Variants in NRCAM observed in about 807,000 individuals in gnomAD.
NRCAM encodes NgCAM-related cell adhesion molecule.
NRCAM carries 83 observed loss-of-function variants against 156.5 expected under a neutral mutation model. The observed-to-expected ratio is 0.53, with a 90% confidence interval of 0.44 to 0.64. The LOEUF (loss-of-function observed/expected upper bound fraction) is 0.64, where lower values mean the gene tolerates loss of function less well. NRCAM is among the 30% of genes least tolerant of loss of function. The probability of loss-of-function intolerance (pLI) is 0.00; values close to 1 mark genes in which losing one functional copy is unlikely to be tolerated. For missense variants in NRCAM, 1,417 were observed against 1,597.3 expected, an observed-to-expected ratio of 0.89 and a Z score of 1.92; for synonymous variants, 538 against 563.9, an observed-to-expected ratio of 0.95 and a Z score of 0.65.
intron 3 of NRCAM, among the ~76,000 whole-genome samples, chr7:108,258,131 G>T (rs189508812): frequency 7.7e-4 from 118 of 152,306 alleles, no homozygotes; most frequent in African/African-American, 2.7e-3. Flanking sequence ...GTGGCTGTCT[G>T]TGTGCTCTGA....
chr7:108,266,949 A>G (rs1269658), intron 3 of NRCAM, among the ~76,000 whole-genome samples: 88,743 of 152,096 alleles, frequency 0.58, 26,410 homozygotes, highest in East Asian at 0.93. Context: ...GCAGAGGACA[A>G]AAAACTACTG....
In NRCAM at chr7:108,191,794, G is replaced by A. The variant is rs773285334; in HGVS notation, c.1838C>T (p.Thr613Ile). 1.9e-6 allele frequency: 3 copies of A among 1,613,376 alleles called. No individual in the cohort carries two copies. Among genetic ancestry groups the A allele is most frequent in the Non-Finnish European group, 2.5e-6 (3 of 1,179,866 alleles). Residue 613 changes from threonine to isoleucine, a missense_variant, in exon 18 of 33, where the codon ACC (threonine) becomes ATC (isoleucine). Physicochemically the swap from Thr to Ile is moderately conservative, Grantham distance 89. Coordinates refer to ENST00000379028, the MANE Select transcript of NRCAM (RefSeq NM_001037132.4). ...VADVSDDDSG[T>I]YTCVANTTLD... The stretch of plus-strand genomic sequence containing the variant: ...AGTGGTGTTGGCCACACACGTGTAG[G>A]TCCCGCTGTCATCGTCACTGACATC...
At chr7:108,280,033 C>T (rs2097791434) in intron 3 of NRCAM, among the ~76,000 whole-genome samples, 1 of 152,196 alleles carries the variant, frequency 6.6e-6, no homozygotes, top group Non-Finnish European at 1.5e-5. Flanking sequence ...CCAACATTCA[C>T]CATCAAAAAC....
chr7:108,249,591 A>G (rs1394459104), intron 3 of NRCAM, among the ~76,000 whole-genome samples: 1 of 152,240 alleles, frequency 6.6e-6, no homozygotes, highest in African/African-American at 2.4e-5. Context: ...TCCCTCTCCC[A>G]AGCATTTAGA....
At chr7:108,362,789 T>G (rs535154360) in intron 2 of NRCAM, among the ~76,000 whole-genome samples, 1 of 152,094 alleles carries the variant, frequency 6.6e-6, no homozygotes, top group Admixed American at 6.5e-5. Context: ...TTTATAGATA[T>G]GTGTATCTAC....
At chr7:108,209,366 T>A in intron 12 of NRCAM, 55 bp downstream of exon 12, 1 of 1,221,634 alleles carries the variant, frequency 8.2e-7, no homozygotes, top group Non-Finnish European at 1.1e-6. Context: ...CCACATTTAA[T>A]TAAAGTTTCA....
chr7:108,269,159 T>C (rs1027836805), intron 3 of NRCAM, among the ~76,000 whole-genome samples: 18 of 149,032 alleles, frequency 1.2e-4, no homozygotes, highest in African/African-American at 4.0e-4. Flanking sequence ...CTTCGTGCTG[T>C]ATTTGAAAAA....
intron 3 of NRCAM, among the ~76,000 whole-genome samples, chr7:108,256,329 A>T (rs1031665183): frequency 1.3e-5 from 2 of 148,570 alleles, no homozygotes; most frequent in African/African-American, 5.0e-5. Flanking sequence ...CTTACCCCCA[A>T]CCCCGTGCTC....
chr7:108,449,043 C>T (rs763299339), intron 1 of NRCAM, among the ~76,000 whole-genome samples: 1 of 152,178 alleles, frequency 6.6e-6, no homozygotes, highest in African/African-American at 2.4e-5. Context: ...TCTGAGTGAG[C>T]GCCAGACACA....
intron 3 of NRCAM, among the ~76,000 whole-genome samples, chr7:108,304,021 G>A (rs2300016): frequency 0.24 from 36,864 of 152,050 alleles, 4,962 homozygotes; most frequent in Middle Eastern, 0.3. Context: ...ATGAATGAAT[G>A]TATAAATGAT....
chr7:108,167,607 G>T (rs1194935010), intron 29 of NRCAM, among the ~76,000 whole-genome samples: 1 of 152,208 alleles, frequency 6.6e-6, no homozygotes, highest in African/African-American at 2.4e-5. Context: ...GGCTTAAACA[G>T]AAAGTTGGAC....
rs75920144 is a variant in NRCAM at position 108,438,344 on chromosome 7, T to C, written c.-332+17899A>G. The stretch of plus-strand genomic sequence containing the variant: ...GTACAATATGACCAAGTGGGATGTA[T>C]TGCAGAAGTTTAACATCCAAAAATC... On this transcript the variant is annotated intron_variant, in intron 1 of 32. Transcript: ENST00000379028. Among the ~76,000 whole-genome samples, 1,514 of 152,292 alleles carry C rather than the reference T, an allele frequency of 9.9e-3. 20 individuals are homozygous for C. The highest frequency in any genetic ancestry group is 0.034 in the African/African-American group (1,413 of 41,562).
intron 11 of NRCAM, among the ~76,000 whole-genome samples, chr7:108,220,424 C>T (rs930565369): frequency 6.6e-6 from 1 of 151,922 alleles, no homozygotes; most frequent in Non-Finnish European, 1.5e-5. Context: ...ATCTGGAGGC[C>T]TCACACTACC....
intron 18 of NRCAM, 148 bp from the exon 19 acceptor site, chr7:108,191,431 C>A: frequency 1.5e-6 from 1 of 650,708 alleles, no homozygotes; most frequent in South Asian, 2.6e-5. Flanking sequence ...GATAAACATG[C>A]AGTAACAATT....
Position 108,149,211 on chromosome 7 carries a change from G to A in NRCAM, c.*699C>T, listed in dbSNP as rs758941736. 1.5e-4 allele frequency: 23 copies of A among 152,570 alleles called. No individual in the cohort carries two copies. Among genetic ancestry groups the A allele is most frequent in the African/African-American group, 2.4e-5 (1 of 41,422 alleles). 9.5% of individuals were successfully genotyped at this position (152,570 alleles called of 1,614,324 possible). On this transcript the variant is annotated 3_prime_UTR_variant, in exon 33 of 33. Coordinates refer to ENST00000379028, the MANE Select transcript of NRCAM (RefSeq NM_001037132.4). The stretch of plus-strand genomic sequence containing the variant: ...ACATTGTTTATGCCTAAAAACAACC[G>A]AACATAGAAATGATGTAAAAAGTAG...
At chr7:108,428,167 CACA>C (rs1293367553) in intron 1 of NRCAM, among the ~76,000 whole-genome samples, 1 of 152,130 alleles carries the variant, frequency 6.6e-6, no homozygotes, top group African/African-American at 2.4e-5. Flanking sequence ...TGACATTAGT[CACA>C]ACACCATGCT....
In NRCAM at chr7:108,198,020, G is replaced by C. The variant is rs381318; in HGVS notation, c.1287C>G (p.Val429=). 4.4e-6 allele frequency: 7 copies of C among 1,597,082 alleles called. No individual in the cohort carries two copies. Among genetic ancestry groups the C allele is most frequent in the African/African-American group, 4.0e-5 (3 of 74,278 alleles). ...FSNVQERSSA[V]YQCNASNEYG... ...ATTCATTAGAGGCATTGCACTGATA[G>C]ACTGCACTTGATCTTTCTTGAACAT... is the stretch of plus-strand genomic sequence containing the variant. Residue 429 remains valine, a synonymous_variant, in exon 14 of 33, where the codon GTC becomes GTG. Transcript: ENST00000379028.
intron 32 of NRCAM, chr7:108,156,715 C>T (rs1042647928): frequency 3.9e-5 from 6 of 152,078 alleles, no homozygotes; most frequent in Non-Finnish European, 7.4e-5. Flanking sequence ...TTGTATGTGT[C>T]TGGTCAGCAT....
At position 108,241,568 on chromosome 7, in the gene NRCAM, T is replaced by C. The variant is rs1034559278; in HGVS notation, c.-106-1398A>G. Among the ~76,000 whole-genome samples the C allele has an allele frequency of 3.3e-5, 5 of 152,128 alleles. No homozygotes were observed. In the East Asian group the frequency reaches 9.6e-4, roughly 29 times the overall value. On this transcript the variant is annotated intron_variant, in intron 3 of 32. Transcript: ENST00000379028. ...ATTTTACGATGTCCATCTTTTCCAATAAACTGCAAGTCTCCTCAGGGCAGG... is the reference window on the plus strand; with the variant it reads ...ATTTTACGATGTCCATCTTTTCCAACAAACTGCAAGTCTCCTCAGGGCAGG...
Sources: allele counts gnomAD v4.1 joint callset (sites outside exome capture counted in the v4.1 genomes callset), GRCh38; gene constraint gnomAD v4.1.1; transcripts MANE v1.5; gene names NCBI Gene and HGNC (gene_info 2026-07-23, HGNC 2026-07-21).